The following CDC42BPA variants were observed in gnomAD, a reference collection of about 807,000 sequenced individuals.
CDC42BPA encodes serine/threonine-protein kinase MRCK alpha.
CDC42BPA carries 80 observed loss-of-function variants against 223.5 expected under a neutral mutation model. The observed-to-expected ratio is 0.36, with a 90% CI of 0.30 to 0.43. The LOEUF (loss-of-function observed/expected upper bound fraction) is 0.43, where lower values mean the gene tolerates loss of function less well. Ranked by LOEUF, CDC42BPA falls within the 20% of genes least tolerant of loss-of-function variation. The pLI is 1.00. For missense variants in CDC42BPA, 1,743 were observed against 2,099.9 expected, an observed-to-expected ratio of 0.83 and a Z score of 3.32; for synonymous variants, 694 against 718.6, an observed-to-expected ratio of 0.97 and a Z score of 0.55.
At chr1:227,292,064 CTTCTGCCTCCCAGG>C (rs1342481342) in intron 1 of CDC42BPA, among the ~76,000 whole-genome samples, 2 of 151,916 alleles carry the variant, frequency 1.3e-5, no homozygotes, top group Admixed American at 1.3e-4. Flanking sequence ...CTCATTTCAA[CTTCTGCCTCCCAGG>C]TTCAAGTGAT....
At chr1:227,071,342 C>T (rs1678294145) in intron 20 of CDC42BPA, among the ~76,000 whole-genome samples, 1 of 151,832 alleles carries the variant, frequency 6.6e-6, no homozygotes, top group Non-Finnish European at 1.5e-5. Context: ...CAGTGATGGC[C>T]TTTGTCAGGA....
rs191699711 is a variant in CDC42BPA, at chr1:227,292,782, T to C, written c.178+24223A>G. 3.9e-3 allele frequency among the ~76,000 whole-genome samples: 588 copies of C among 152,332 alleles called. 2 individuals carry two copies. Among genetic ancestry groups the C allele is most frequent in the Non-Finnish European group, 7.2e-3 (487 of 68,020 alleles). Reference sequence around the variant, plus strand: ...TACAATAGCTAGCACAAGGTAGACATTCAATAATTTATTGAACTTAATTAC... The same window carrying C: ...TACAATAGCTAGCACAAGGTAGACACTCAATAATTTATTGAACTTAATTAC... On this transcript the variant is annotated intron_variant, in intron 1 of 36. Coordinates refer to ENST00000366766, the MANE Select transcript of CDC42BPA (RefSeq NM_001394014.1).
At chr1:227,262,368 C>G (rs1012108587) in intron 1 of CDC42BPA, among the ~76,000 whole-genome samples, 2 of 151,330 alleles carry the variant, frequency 1.3e-5, no homozygotes, top group African/African-American at 4.9e-5. Context: ...AGTACTCAAA[C>G]TTAAAAAAAA....
At chr1:227,264,700 CATG>C in intron 1 of CDC42BPA, 2 of 667,142 alleles carry the variant, frequency 3.0e-6, no homozygotes, top group South Asian at 3.9e-5. Context: ...GAGGCTTTAA[CATG>C]AGAAATAAAA....
intron 21 of CDC42BPA, among the ~76,000 whole-genome samples, chr1:227,058,965 T>C (rs1477777245): frequency 6.6e-6 from 1 of 151,642 alleles, no homozygotes; most frequent in East Asian, 1.9e-4. Context: ...TTTTTGAATG[T>C]TGTACAACAT....
At chr1:227,068,215 AAATT>A (rs1469256283) in intron 21 of CDC42BPA, among the ~76,000 whole-genome samples, 2 of 151,848 alleles carry the variant, frequency 1.3e-5, no homozygotes, top group Non-Finnish European at 2.9e-5. Flanking sequence ...CCTACTGGAG[AAATT>A]AATTAAAAGT....
intron 1 of CDC42BPA, among the ~76,000 whole-genome samples, chr1:227,304,569 A>G (rs1692234657): frequency 6.6e-6 from 1 of 152,218 alleles, no homozygotes; most frequent in African/African-American, 2.4e-5. Context: ...AGTTTCATAC[A>G]ATGTTTCAAG....
At chr1:227,038,951 TGA>T (rs1670844260) in intron 24 of CDC42BPA, among the ~76,000 whole-genome samples, 2 of 152,188 alleles carry the variant, frequency 1.3e-5, no homozygotes, top group South Asian at 4.1e-4. Flanking sequence ...CTGTTTATAA[TGA>T]GAGTGTTTTG....
chr1:227,235,607 C>T (rs553154394), intron 2 of CDC42BPA, among the ~76,000 whole-genome samples: 1 of 152,248 alleles, frequency 6.6e-6, no homozygotes, highest in African/African-American at 2.4e-5. Context: ...ATAGAGTTCC[C>T]TAACAAAGGA....
chr1:227,301,266 T>G (rs1453890838), intron 1 of CDC42BPA, among the ~76,000 whole-genome samples: 2 of 152,200 alleles, frequency 1.3e-5, no homozygotes, highest in Admixed American at 1.3e-4. Flanking sequence ...CTCTATCCAG[T>G]TTTGAGCTCC....
intron 4 of CDC42BPA, among the ~76,000 whole-genome samples, chr1:227,198,235 G>A (rs1274215350): frequency 6.6e-6 from 1 of 151,760 alleles, no homozygotes; most frequent in Non-Finnish European, 1.5e-5. Context: ...AGGATCACTT[G>A]AAGCCAAGAG....
intron 34 of CDC42BPA, among the ~76,000 whole-genome samples, chr1:227,012,318 G>A (rs1572236289): frequency 6.6e-6 from 1 of 152,002 alleles, no homozygotes; most frequent in East Asian, 1.9e-4. Flanking sequence ...TATTAAAACG[G>A]TAAATTATTT....
intron 11 of CDC42BPA, among the ~76,000 whole-genome samples, chr1:227,126,596 A>G (rs1452354239): frequency 1.3e-5 from 2 of 152,238 alleles, no homozygotes; most frequent in South Asian, 2.1e-4. Flanking sequence ...AAAAATCCTT[A>G]AAAATATATT....
chr1:227,089,098 T>G (rs903610696), intron 16 of CDC42BPA, among the ~76,000 whole-genome samples: 6 of 152,336 alleles, frequency 3.9e-5, no homozygotes, highest in African/African-American at 1.2e-4. Flanking sequence ...TTTTAAAAAT[T>G]TATTTAAACG....
chr1:227,203,032 C>T (rs930132165), intron 3 of CDC42BPA, among the ~76,000 whole-genome samples: 1 of 152,062 alleles, frequency 6.6e-6, no homozygotes, highest in African/African-American at 2.4e-5. Context: ...AAACCCCCTC[C>T]TACTAATGAA....
At chr1:227,026,755 AATT>A (rs201458313) in intron 30 of CDC42BPA, among the ~76,000 whole-genome samples, 1,768 of 152,310 alleles carry the variant, frequency 0.012, 15 homozygotes, top group South Asian at 0.019. Flanking sequence ...GAATAATCAT[AATT>A]ATTATCTGAT....
In CDC42BPA at chr1:227,317,266, G is replaced by A; in HGVS notation, c.-84C>T. The A allele has an allele frequency of 1.4e-6, 2 of 1,429,264 alleles. No individual in the cohort carries two copies. The highest frequency in any genetic ancestry group is 1.4e-5 in the South Asian group (1 of 72,964). The allele number at this position is 1,429,264 out of a possible 1,614,324, so 88.5% of individuals were successfully genotyped here. On this transcript the variant is annotated 5_prime_UTR_variant, in exon 1 of 37. Transcript: ENST00000366766. Reference sequence around the variant, plus strand: ...CTGAACCTAAATTTTAAAAGGTATGGTTTTAAAAATAAACCACTTGTTATT... The same window carrying A: ...CTGAACCTAAATTTTAAAAGGTATGATTTTAAAAATAAACCACTTGTTATT...
intron 2 of CDC42BPA, among the ~76,000 whole-genome samples, chr1:227,218,797 T>A (rs541456321): frequency 3.9e-5 from 6 of 152,338 alleles, no homozygotes; most frequent in African/African-American, 1.4e-4. Flanking sequence ...AAAACTGTTC[T>A]GTGAGCGACC....
At position 227,139,753 on chromosome 1, in the gene CDC42BPA, GA is replaced by G. The variant is rs200960373; in HGVS notation, c.1224-12del. On this transcript the variant is annotated splice_polypyrimidine_tract_variant and intron_variant, in intron 9 of 36. Coordinates refer to ENST00000366766, the MANE Select transcript of CDC42BPA (RefSeq NM_001394014.1). ...CGATCAGAAAGTACACTGAAGAAAA[GA>G]AAAAAAAATGTAGGTTCATACTGTG... 1.1e-4 allele frequency: 168 copies of G among 1,466,022 alleles called. No homozygotes were observed. Among genetic ancestry groups the G allele is most frequent in the African/African-American group, 8.2e-4 (56 of 68,486 alleles). 90.8% of individuals were successfully genotyped at this position (1,466,022 alleles called of 1,614,324 possible). A position where few individuals can be genotyped will look rare whatever the true frequency, so the allele number is the denominator to read the frequency against.
Sources: gnomAD v4.1 joint callset for allele counts (sites outside exome capture counted in the v4.1 genomes callset) on GRCh38, gnomAD v4.1.1 for gene constraint, MANE v1.5 for transcripts, NCBI Gene and HGNC (gene_info 2026-07-23, HGNC 2026-07-21) for gene names.